The following CCSER1 variants were observed in gnomAD, a reference collection of about 807,000 sequenced individuals.
CCSER1 encodes coiled-coil serine rich protein 1.
A neutral mutation model predicts 82.0 loss-of-function variants in CCSER1; 41 were observed. The observed-to-expected ratio is 0.50, with a 90% CI of 0.39 to 0.65. CCSER1 has a LOEUF of 0.65. CCSER1 is among the 30% of genes least tolerant of loss of function. The pLI, the probability that CCSER1 is intolerant of heterozygous loss-of-function variation, is 0.00. For synonymous variants in CCSER1, 414 were observed against 383.9 expected (o/e 1.08, Z -0.92); for missense variants, 1,119 against 1,064.2 (o/e 1.05, Z -0.72).
Position 91,131,600 on chromosome 4 carries a change from ATG to A in CCSER1, c.2217+45610_2217+45611del, listed in dbSNP as rs1344171475. ...GATAGTTCATTAAAAGAAAAAATCT[ATG>A]TGTATACATATTTATATATATTAAT... On this transcript the variant is annotated intron_variant, in intron 10 of 10. Coordinates refer to ENST00000509176, the MANE Select transcript of CCSER1 (RefSeq NM_001145065.2). Among the ~76,000 whole-genome samples the A allele has an allele frequency of 2.0e-5, 3 of 152,222 alleles. No individual in the cohort carries two copies. The East Asian group carries it at 5.8e-4, about 29-fold the overall frequency.
intron 1 of CCSER1, among the ~76,000 whole-genome samples, chr4:90,269,299 TAA>T (rs1725819877): frequency 2.0e-5 from 3 of 152,094 alleles, no homozygotes; most frequent in Admixed American, 2.0e-4. Flanking sequence ...AAACAAGTCT[TAA>T]AACATTTAAT....
At chr4:90,164,102 C>A (rs1265265131) in intron 1 of CCSER1, among the ~76,000 whole-genome samples, 1 of 152,046 alleles carries the variant, frequency 6.6e-6, no homozygotes, top group African/African-American at 2.4e-5. Context: ...ACAGCAGGCT[C>A]CCTGGAAATC....
chr4:90,360,434 C>T (rs1279830892), intron 3 of CCSER1, among the ~76,000 whole-genome samples: 1 of 149,922 alleles, frequency 6.7e-6, no homozygotes, highest in Non-Finnish European at 1.5e-5. Context: ...GGAGGCTGCT[C>T]GGGAGGCTGA....
chr4:90,382,141 A>C (rs1390114309), intron 3 of CCSER1, among the ~76,000 whole-genome samples: 3 of 152,092 alleles, frequency 2.0e-5, no homozygotes, highest in Non-Finnish European at 4.4e-5. Flanking sequence ...TTCATCTGAA[A>C]ATCTTTATAT....
At chr4:90,406,613 C>G (rs948122380) in intron 4 of CCSER1, among the ~76,000 whole-genome samples, 2 of 152,118 alleles carry the variant, frequency 1.3e-5, no homozygotes, top group South Asian at 2.1e-4. Context: ...GGCCACTAAA[C>G]AAGTCTCAGT....
intron 4 of CCSER1, among the ~76,000 whole-genome samples, chr4:90,409,521 A>C (rs2153553175): frequency 6.6e-6 from 1 of 152,336 alleles, no homozygotes; most frequent in East Asian, 1.9e-4. Context: ...TTTAATATCC[A>C]GCCAAACTAA....
chr4:90,219,655 T>C (rs151254934), intron 1 of CCSER1, among the ~76,000 whole-genome samples: 320 of 152,294 alleles, frequency 2.1e-3, no homozygotes, highest in Non-Finnish European at 3.8e-3. Context: ...TGGGGATTTT[T>C]CAGATCCCAC....
intron 6 of CCSER1, among the ~76,000 whole-genome samples, chr4:90,661,575 G>A (rs1259006190): frequency 6.6e-6 from 1 of 152,180 alleles, no homozygotes; most frequent in Admixed American, 6.5e-5. Context: ...TAACTATAGT[G>A]TGAGATGATT....
At chr4:90,655,961 A>G (rs980539398) in intron 6 of CCSER1, among the ~76,000 whole-genome samples, 4 of 151,906 alleles carry the variant, frequency 2.6e-5, no homozygotes, top group Non-Finnish European at 2.9e-5. Flanking sequence ...CAGTTATAAT[A>G]TTCTTGGCTT....
intron 1 of CCSER1, among the ~76,000 whole-genome samples, chr4:90,153,768 G>A (rs1423104664): frequency 6.6e-6 from 1 of 152,130 alleles, no homozygotes; most frequent in Non-Finnish European, 1.5e-5. Context: ...GTTCATTGTA[G>A]ATTCTGGATA....
intron 10 of CCSER1, among the ~76,000 whole-genome samples, chr4:91,530,430 T>C (rs887398037): frequency 1.3e-5 from 2 of 152,074 alleles, no homozygotes; most frequent in Admixed American, 6.5e-5. Context: ...ATCTGTTATA[T>C]TATCAAAAAT....
chr4:90,831,621 G>A (rs1050763700), intron 8 of CCSER1, among the ~76,000 whole-genome samples: 1 of 152,254 alleles, frequency 6.6e-6, no homozygotes, highest in African/African-American at 2.4e-5. Context: ...TGAACTTAAG[G>A]TTGGATGAAT....
chr4:90,581,573 A>G (rs994138098), intron 5 of CCSER1, among the ~76,000 whole-genome samples: 2 of 152,112 alleles, frequency 1.3e-5, no homozygotes, highest in African/African-American at 4.8e-5. Flanking sequence ...TAATTATTTA[A>G]TTAGCACCTA....
chr4:90,865,748 A>C (rs1765654334), intron 8 of CCSER1, among the ~76,000 whole-genome samples: 1 of 151,958 alleles, frequency 6.6e-6, no homozygotes, highest in African/African-American at 2.4e-5. Context: ...TTATCTTCTC[A>C]ATTTTTTTTA....
intron 10 of CCSER1, among the ~76,000 whole-genome samples, chr4:91,199,468 A>G (rs575656126): frequency 1.3e-5 from 2 of 152,262 alleles, no homozygotes; most frequent in African/African-American, 2.4e-5. Context: ...GTTAGCACGA[A>G]TGCATTTTTG....
chr4:91,283,575 A>T (rs1743072048), intron 10 of CCSER1, among the ~76,000 whole-genome samples: 1 of 151,990 alleles, frequency 6.6e-6, no homozygotes, highest in South Asian at 2.1e-4. Flanking sequence ...TTTTGCTGTA[A>T]TTTTTATTTT....
At position 90,468,215 on chromosome 4, in the gene CCSER1, C is replaced by A; in HGVS notation, c.1604-19C>A. ...ATAAATAATTTTGACATTTACAATT[C>A]CTCGGTTTTTTTGAACAGTTTGCCG... is the stretch of plus-strand genomic sequence containing the variant. On this transcript the variant is annotated intron_variant, in intron 4 of 10. Transcript: ENST00000509176. 6.3e-7 allele frequency: 1 copy of A among 1,575,348 alleles called. No individual in the cohort carries two copies.
intron 10 of CCSER1, among the ~76,000 whole-genome samples, chr4:91,443,574 C>T (rs1755349627): frequency 6.6e-6 from 1 of 150,850 alleles, no homozygotes. Flanking sequence ...TTAATGGGTG[C>T]AGCACACCAG....
intron 7 of CCSER1, among the ~76,000 whole-genome samples, chr4:90,779,338 T>C (rs1753424469): frequency 6.6e-6 from 1 of 152,160 alleles, no homozygotes; most frequent in Non-Finnish European, 1.5e-5. Context: ...AGGTATACAT[T>C]ACTTCTTCAA....
Sources: allele counts gnomAD v4.1 joint callset (sites outside exome capture counted in the v4.1 genomes callset), GRCh38; gene constraint gnomAD v4.1.1; transcripts MANE v1.5; gene names NCBI Gene and HGNC (gene_info 2026-07-23, HGNC 2026-07-21).